Variants in KIF26B observed in about 807,000 individuals in gnomAD.
KIF26B encodes the protein kinesin family member 26B.
In KIF26B, 63 loss-of-function variants were observed where a neutral mutation model predicts 151.2. The ratio of observed to expected loss-of-function variants is 0.42; its 90% CI spans 0.34 to 0.51. KIF26B has a LOEUF of 0.51. Among genes scored for constraint, KIF26B ranks in the 20% least tolerant of loss-of-function variants. KIF26B has a pLI of 0.07. For missense variants in KIF26B, 2,813 were observed against 2,913.6 expected (o/e 0.97, Z 0.79); for synonymous variants, 1,357 against 1,262.1 (o/e 1.08, Z -1.59).
At chr1:245,315,502 A>T (rs567856241) in intron 2 of KIF26B, among the ~76,000 whole-genome samples, 1 of 152,022 alleles carries the variant, frequency 6.6e-6, no homozygotes, top group Non-Finnish European at 1.5e-5. Flanking sequence ...CAGGTGGATC[A>T]CCTGAGGTCA....
At chr1:245,527,111 G>T (rs1661253397) in intron 4 of KIF26B, among the ~76,000 whole-genome samples, 1 of 152,154 alleles carries the variant, frequency 6.6e-6, no homozygotes, top group African/African-American at 2.4e-5. Context: ...ATGTATAAAT[G>T]ATTTAACTAG....
intron 2 of KIF26B, among the ~76,000 whole-genome samples, chr1:245,339,644 T>C (rs1310736125): frequency 1.3e-5 from 2 of 152,242 alleles, no homozygotes; most frequent in African/African-American, 4.8e-5. Context: ...AATTGACGTT[T>C]TAAAGTAATT....
chr1:245,680,902 A>G (rs1423848577), intron 10 of KIF26B, among the ~76,000 whole-genome samples: 3 of 152,120 alleles, frequency 2.0e-5, no homozygotes, highest in African/African-American at 7.2e-5. Context: ...TCCTTTTTGC[A>G]GTCTCCTTAG....
At chr1:245,456,495 G>A (rs1468784718) in intron 4 of KIF26B, among the ~76,000 whole-genome samples, 5 of 152,182 alleles carry the variant, frequency 3.3e-5, no homozygotes, top group South Asian at 2.1e-4. Context: ...CGATCTTTGC[G>A]TATTTGATAG....
intron 9 of KIF26B, among the ~76,000 whole-genome samples, chr1:245,624,097 A>G (rs1334908189): frequency 6.6e-6 from 1 of 152,164 alleles, no homozygotes; most frequent in East Asian, 1.9e-4. Flanking sequence ...CTGCTCTGCC[A>G]TGGGAAGATG....
chr1:245,267,164 C>T (rs1670761880), intron 2 of KIF26B, among the ~76,000 whole-genome samples: 1 of 152,220 alleles, frequency 6.6e-6, no homozygotes, highest in Non-Finnish European at 1.5e-5. Context: ...AGCTATGATA[C>T]AAATATTCTT....
intron 9 of KIF26B, among the ~76,000 whole-genome samples, chr1:245,639,022 T>C (rs1372880357): frequency 1.3e-5 from 2 of 151,978 alleles, no homozygotes; most frequent in Non-Finnish European, 2.9e-5. Context: ...TCCTCTTCAA[T>C]TGTTAAAAAT....
chr1:245,702,514 T>C lies in KIF26B; in HGVS notation c.6235T>C (p.Cys2079Arg), dbSNP rs892941385. ...CCTGGAGTACCTGGAGGCACTGGAG[T>C]GTGTGACGGAGCGCCTGGAGAGCCG... is the stretch of plus-strand genomic sequence containing the variant. ...DSLEYLEALE[C>R]VTERLESRVN... The change falls in exon 15 of 15, where the codon TGT (cysteine) becomes CGT (arginine). Residue 2079 changes from cysteine (C) to arginine (R), a missense_variant. Physicochemically the swap from Cys to Arg is radical, Grantham distance 180. Transcript: ENST00000407071. The surrounding 1 kb of genome is among the most constrained non-coding windows in gnomAD (Gnocchi z 4.1). 3.1e-6 allele frequency: 5 copies of C among 1,613,464 alleles called. No homozygotes were observed. Among genetic ancestry groups the C allele is most frequent in the Non-Finnish European group, 3.4e-6 (4 of 1,179,764 alleles).
chr1:245,424,617 T>C (rs1421181409), intron 4 of KIF26B, among the ~76,000 whole-genome samples: 2 of 152,220 alleles, frequency 1.3e-5, no homozygotes, highest in African/African-American at 4.8e-5. Flanking sequence ...AAGCAGTGTG[T>C]GGTCTGTGCT....
In KIF26B at chr1:245,685,078, CT is replaced by C. The variant is rs1296895851; in HGVS notation, c.2422-325del. Among the ~76,000 whole-genome samples, 3 of 152,260 alleles carry C rather than the reference CT, an allele frequency of 2.0e-5. No homozygotes were observed. The East Asian group carries it at 5.8e-4, about 29-fold the overall frequency. ...CCTTTTTTATCTTTAAATAGCGTTTCTTAACCAGAGTTCCACGGCACAGGGT... is the reference window on the plus strand; with the variant it reads ...CCTTTTTTATCTTTAAATAGCGTTTCTAACCAGAGTTCCACGGCACAGGGT... On this transcript the variant is annotated intron_variant, in intron 11 of 14. Coordinates refer to ENST00000407071, the MANE Select transcript of KIF26B (RefSeq NM_018012.4).
chr1:245,189,067 T>C (rs1256671711), intron 2 of KIF26B, among the ~76,000 whole-genome samples: 5 of 152,218 alleles, frequency 3.3e-5, no homozygotes, highest in Non-Finnish European at 7.3e-5. Context: ...TGGAGAGTTA[T>C]TGTTTAACAT....
rs777063604 is a variant in KIF26B at position 245,609,542 on chromosome 1, A to G, written c.1914+14A>G. ...TGCGGCACGCAGGTGATTGCTTCTG[A>G]AGCCTGGCTCGCCCCAAGGTGGCTC... On this transcript the variant is annotated intron_variant, in intron 8 of 14. Coordinates refer to ENST00000407071, the MANE Select transcript of KIF26B (RefSeq NM_018012.4). 1 of 1,514,986 alleles carries G rather than the reference A, an allele frequency of 6.6e-7. No homozygotes were observed. Among genetic ancestry groups the G allele is most frequent in the Non-Finnish European group, 8.8e-7 (1 of 1,130,466 alleles). 93.8% of individuals were successfully genotyped at this position (1,514,986 alleles called of 1,614,324 possible).
chr1:245,667,622 G>A lies in KIF26B; in HGVS notation c.2259-16611G>A, dbSNP rs138211273. 2.7e-3 allele frequency among the ~76,000 whole-genome samples: 405 copies of A among 152,206 alleles called. 2 individuals carry two copies. The highest frequency in any genetic ancestry group is 9.3e-3 in the African/African-American group (388 of 41,528). On this transcript the variant is annotated intron_variant, in intron 10 of 14. Transcript: ENST00000407071. The surrounding 1 kb of genome is among the most constrained non-coding windows in gnomAD (Gnocchi z 4.3). ...CTTATTTAAATACTTATAGAAAGAC[G>A]ACTTTATGCCGGACACTGTGTTAGG...
At chr1:245,454,553 G>A (rs1659469784) in intron 4 of KIF26B, among the ~76,000 whole-genome samples, 1 of 152,150 alleles carries the variant, frequency 6.6e-6, no homozygotes, top group Non-Finnish European at 1.5e-5. Context: ...GGAAGGCCCT[G>A]GCCAACAAAC....
At chr1:245,626,895 A>C (rs150765371) in intron 9 of KIF26B, among the ~76,000 whole-genome samples, 2,738 of 152,194 alleles carry the variant, frequency 0.018, 36 homozygotes, top group South Asian at 0.053. Context: ...ATAAATTTTG[A>C]GTGGATTTTT....
chr1:245,308,499 T>C (rs1361932912), intron 2 of KIF26B, among the ~76,000 whole-genome samples: 1 of 152,066 alleles, frequency 6.6e-6, no homozygotes, highest in Admixed American at 6.5e-5. Flanking sequence ...TAAAATAAAC[T>C]TGAAGTGTGT....
chr1:245,325,919 G>T (rs1315039989), intron 2 of KIF26B, among the ~76,000 whole-genome samples: 1 of 152,134 alleles, frequency 6.6e-6, no homozygotes, highest in Non-Finnish European at 1.5e-5. Context: ...ACTACTGCGT[G>T]TGAGGCTAAA....
At chr1:245,661,718 ACCAAT>A (rs993461314) in intron 10 of KIF26B, among the ~76,000 whole-genome samples, 1 of 149,470 alleles carries the variant, frequency 6.7e-6, no homozygotes, top group African/African-American at 2.5e-5. Flanking sequence ...CACACACACC[ACCAAT>A]ATATATACAC....
intron 3 of KIF26B, among the ~76,000 whole-genome samples, chr1:245,399,507 A>G (rs1231340377): frequency 6.6e-6 from 1 of 152,252 alleles, no homozygotes; most frequent in Non-Finnish European, 1.5e-5. Flanking sequence ...ATTGCCAAGG[A>G]GATCGTCCCT....
Sources: gnomAD v4.1 joint callset for allele counts (sites outside exome capture counted in the v4.1 genomes callset) on GRCh38, gnomAD v4.1.1 for gene constraint, Gnocchi (gnomAD v3.1) non-coding constraint, MANE v1.5 for transcripts, NCBI Gene and HGNC (gene_info 2026-07-23, HGNC 2026-07-21) for gene names.